Variants in SYT1 observed in about 807,000 individuals in gnomAD.
SYT1 encodes the protein synaptotagmin-1.
A neutral mutation model predicts 44.8 loss-of-function variants in SYT1; 8 were observed. The observed-to-expected ratio is 0.18, with a 90% CI of 0.10 to 0.32. The LOEUF (loss-of-function observed/expected upper bound fraction) is 0.32, where lower values mean the gene tolerates loss of function less well. SYT1 is among the 10% of genes least tolerant of loss of function. The pLI is 1.00. For missense variants in SYT1, 286 were observed against 509.3 expected, an observed-to-expected ratio of 0.56 and a Z score of 4.22; for synonymous variants, 154 against 188.8, an observed-to-expected ratio of 0.82 and a Z score of 1.51.
chr12:79,280,133 A>G (rs1369884568), intron 4 of SYT1, among the ~76,000 whole-genome samples: 1 of 151,086 alleles, frequency 6.6e-6, no homozygotes, highest in Non-Finnish European at 1.5e-5. Flanking sequence ...ACAGAATTAG[A>G]AAAAAAAACA....
intron 5 of SYT1, among the ~76,000 whole-genome samples, chr12:79,288,117 T>C (rs759091672): frequency 3.7e-4 from 56 of 152,230 alleles, no homozygotes; most frequent in South Asian, 6.2e-4. Context: ...CTTATGCTAC[T>C]TTTTGAAGCA....
At chr12:78,967,268 A>G (rs1868271650) in intron 1 of SYT1, among the ~76,000 whole-genome samples, 2 of 152,208 alleles carry the variant, frequency 1.3e-5, no homozygotes, top group Admixed American at 1.3e-4. Context: ...TTGAAAGGAT[A>G]AAGTAAGTCC....
intron 4 of SYT1, among the ~76,000 whole-genome samples, chr12:79,280,090 A>G (rs988851881): frequency 6.6e-6 from 1 of 151,874 alleles, no homozygotes; most frequent in Non-Finnish European, 1.5e-5. Context: ...CGGACTCAAT[A>G]TAATTACTGT....
At chr12:78,949,655 A>G (rs1878858448) in intron 1 of SYT1, among the ~76,000 whole-genome samples, 1 of 152,030 alleles carries the variant, frequency 6.6e-6, no homozygotes, top group Non-Finnish European at 1.5e-5. Context: ...TTCCCCTAAA[A>G]GAAGAGAATT....
At chr12:79,089,267 A>AT (rs1053059652) in intron 3 of SYT1, among the ~76,000 whole-genome samples, 27 of 152,170 alleles carry the variant, frequency 1.8e-4, no homozygotes, top group Non-Finnish European at 2.6e-4. Flanking sequence ...TAAAGTGGAC[A>AT]ATTTGAACTC....
intron 2 of SYT1, among the ~76,000 whole-genome samples, chr12:79,042,933 G>A (rs1873706601): frequency 6.6e-6 from 1 of 151,294 alleles, no homozygotes; most frequent in African/African-American, 2.4e-5. Flanking sequence ...TAGTTGAGCG[G>A]TTTTGAATGA....
At chr12:78,926,480 T>A (rs985458750) in intron 1 of SYT1, 5 of 152,102 alleles carry the variant, frequency 3.3e-5, no homozygotes, top group Non-Finnish European at 7.4e-5. Flanking sequence ...ATTATTTTCC[T>A]ATTTTGTGAA....
In SYT1 at chr12:78,882,634, G is replaced by A. The variant is rs549065554; in HGVS notation, c.-217+17525G>A. Among the ~76,000 whole-genome samples the A allele has an allele frequency of 1.1e-4, 16 of 151,626 alleles. 1 individual carries two copies. In the South Asian group the frequency reaches 1.5e-3, roughly 14 times the overall value. Reference sequence around the variant, plus strand: ...AATTGCAACAAAATGAAAATATTTCGGTAAACCCTAAGTAGACATTAAGTT... The same window carrying A: ...AATTGCAACAAAATGAAAATATTTCAGTAAACCCTAAGTAGACATTAAGTT... On this transcript the variant is annotated intron_variant, in intron 1 of 10. Coordinates refer to ENST00000261205, the MANE Select transcript of SYT1 (RefSeq NM_005639.3).
intron 9 of SYT1, among the ~76,000 whole-genome samples, chr12:79,378,530 G>A (rs780920902): frequency 6.6e-5 from 10 of 152,282 alleles, no homozygotes; most frequent in Middle Eastern, 6.8e-3. Context: ...TTAGTTTAGT[G>A]GCCTCACAGA....
At chr12:79,285,412 G>T (rs1192228608) in intron 4 of SYT1, among the ~76,000 whole-genome samples, 1 of 152,132 alleles carries the variant, frequency 6.6e-6, no homozygotes, top group East Asian at 1.9e-4. Flanking sequence ...GGCAGAGAGA[G>T]GTTAGATGAC....
chr12:79,155,819 C>T (rs748805887), intron 3 of SYT1, among the ~76,000 whole-genome samples: 3 of 152,124 alleles, frequency 2.0e-5, no homozygotes, highest in African/African-American at 7.2e-5. Flanking sequence ...TGTTGCCTTC[C>T]GGCCTCTCTT....
At chr12:79,276,255 T>C (rs1196738179) in intron 4 of SYT1, among the ~76,000 whole-genome samples, 1 of 152,000 alleles carries the variant, frequency 6.6e-6, no homozygotes, top group Admixed American at 6.6e-5. Flanking sequence ...ATTCAAAAAA[T>C]TGATTGCAAA....
intron 9 of SYT1, among the ~76,000 whole-genome samples, chr12:79,373,312 A>T (rs1883866777): frequency 6.6e-6 from 1 of 152,130 alleles, no homozygotes; most frequent in Non-Finnish European, 1.5e-5. Context: ...CTCTTTATAC[A>T]TTTACTTGTA....
intron 3 of SYT1, among the ~76,000 whole-genome samples, chr12:79,158,956 CA>C (rs1399315951): frequency 6.6e-6 from 1 of 151,784 alleles, no homozygotes; most frequent in Non-Finnish European, 1.5e-5. Context: ...TATTTCAAGG[CA>C]AAACATGTAG....
At position 79,449,957 on chromosome 12, in the gene SYT1, T is replaced by TGTGTGTGTGC. The variant is rs1491498880; in HGVS notation, c.*834_*835insTGTGTGTGCG. 1 of 144,680 alleles carries TGTGTGTGTGC rather than the reference T, an allele frequency of 6.9e-6. No individual in the cohort carries two copies. The highest frequency in any genetic ancestry group is 2.6e-5 in the African/African-American group (1 of 39,194). 9.0% of individuals were successfully genotyped at this position (144,680 alleles called of 1,614,324 possible). On this transcript the variant is annotated 3_prime_UTR_variant, in exon 11 of 11. Transcript: ENST00000261205. ...GTGTGTGTGTGTGTGTGTGTGTGTG[T>TGTGTGTGTGC]GCACATTTGTTTGGGGATGGGGGAG...
chr12:79,362,953 T>C (rs1883375735), intron 9 of SYT1, among the ~76,000 whole-genome samples: 2 of 151,990 alleles, frequency 1.3e-5, no homozygotes, highest in South Asian at 2.1e-4. Context: ...TTTTGTGTTA[T>C]AGGCTTACAA....
chr12:79,277,125 A>G (rs1300644797), intron 4 of SYT1, among the ~76,000 whole-genome samples: 2 of 150,948 alleles, frequency 1.3e-5, no homozygotes, highest in African/African-American at 5.0e-5. Context: ...ATCTAGACAC[A>G]AAAAGCTCAA....
At chr12:79,180,939 A>G (rs1457345139) in intron 3 of SYT1, among the ~76,000 whole-genome samples, 1 of 152,032 alleles carries the variant, frequency 6.6e-6, no homozygotes, top group East Asian at 1.9e-4. Flanking sequence ...TGCTGTCCTC[A>G]TGATAGCGAG....
At chr12:78,870,337 C>A (rs1252109565) in intron 1 of SYT1, among the ~76,000 whole-genome samples, 1 of 151,962 alleles carries the variant, frequency 6.6e-6, no homozygotes, top group East Asian at 1.9e-4. Context: ...TCATATCTTA[C>A]CTCAAAGAAC....
Sources: allele counts gnomAD v4.1 joint callset (sites outside exome capture counted in the v4.1 genomes callset), GRCh38; gene constraint gnomAD v4.1.1; transcripts MANE v1.5; gene names NCBI Gene and HGNC (gene_info 2026-07-23, HGNC 2026-07-21).